Variants in G6PC3 observed in about 807,000 individuals in gnomAD.
The protein encoded by G6PC3 is glucose-6-phosphatase catalytic subunit 3, also known as glucose-6-phosphatase 3.
G6PC3 carries 30 observed loss-of-function variants against 38.6 expected under a neutral mutation model. The ratio of observed to expected loss-of-function variants is 0.78; its 90% CI spans 0.58 to 1.05. G6PC3 has a LOEUF of 1.05. Ranked by LOEUF, G6PC3 falls within the 50% of genes least tolerant of loss-of-function variation. G6PC3 has a pLI of 0.00. For missense variants in G6PC3, 377 were observed against 443.1 expected (o/e 0.85, Z 1.34); for synonymous variants, 192 against 178.1 (o/e 1.08, Z -0.62).
chr17:44,074,727 A>C lies in G6PC3; in HGVS notation c.373A>C (p.Ile125Leu), dbSNP rs779118255. The C allele has an allele frequency of 6.2e-7, 1 of 1,613,962 alleles. No individual in the cohort carries two copies. The highest frequency in any genetic ancestry group is 8.5e-7 in the Non-Finnish European group (1 of 1,180,018). The change falls in exon 3 of 6, where the codon ATA (isoleucine) becomes CTA (leucine). Residue 125 changes from isoleucine to leucine, a missense_variant. Transcript: ENST00000269097. ...GATCACAGGAGCAGCCCTCTGGCCC[A>C]TAATGACGGCCCTGTCTTCGCAGGT... is the stretch of plus-strand genomic sequence containing the variant. Reference protein sequence around the residue: ...CMITGAALWPIMTALSSQVAT... With the variant: ...CMITGAALWPLMTALSSQVAT...
intron 1 of G6PC3, chr17:44,072,941 C>T (rs73306691): frequency 0.013 from 2,001 of 152,248 alleles, 39 homozygotes; most frequent in African/African-American, 0.045. Flanking sequence ...CTGGCACCGC[C>T]GTTCATTTTC....
Position 44,074,736 on chromosome 17 carries a change from G to T in G6PC3, c.382G>T (p.Ala128Ser), listed in dbSNP as rs2050046247. The T allele has an allele frequency of 2.5e-6, 4 of 1,613,912 alleles. No homozygotes were observed. Among genetic ancestry groups the T allele is most frequent in the Non-Finnish European group, 8.5e-7 (1 of 1,180,012 alleles). The change falls in exon 3 of 6, where the codon GCC becomes TCC. Residue 128 changes from alanine (A) to serine (S), a missense_variant. Physicochemically the swap from Ala to Ser is moderately conservative, Grantham distance 99. Coordinates refer to ENST00000269097, the MANE Select transcript of G6PC3 (RefSeq NM_138387.4). Reference protein sequence around the residue: ...TGAALWPIMTALSSQVATRAR... With the variant: ...TGAALWPIMTSLSSQVATRAR... ...AGCAGCCCTCTGGCCCATAATGACGGCCCTGTCTTCGCAGGTGGCCACTCG... is the reference window on the plus strand; with the variant it reads ...AGCAGCCCTCTGGCCCATAATGACGTCCCTGTCTTCGCAGGTGGCCACTCG...
chr17:44,074,596 G>A (rs1850698822), intron 2 of G6PC3, 84 bp from the exon 3 acceptor site: 8 of 1,122,808 alleles, frequency 7.1e-6, no homozygotes, highest in Admixed American at 3.5e-5. Context: ...AGCCAGGAAA[G>A]GCAGCTGTAT....
intron 1 of G6PC3, 51 bp downstream of exon 1, chr17:44,071,234 G>C (rs750408232): frequency 4.8e-5 from 76 of 1,586,694 alleles, no homozygotes; most frequent in Non-Finnish European, 6.4e-5. Context: ...CGAGGGCCCT[G>C]AGTCATGTGT....
In G6PC3 at chr17:44,070,924, C is replaced by A. The variant is rs1283822343; in HGVS notation, c.-42C>A. ...GCTTCGTTGCCTGGACTCTGGTTTC[C>A]GCCCTGGAGCAAGCCGGGGCCTGGT... On this transcript the variant is annotated 5_prime_UTR_variant, in exon 1 of 6. Coordinates refer to ENST00000269097, the MANE Select transcript of G6PC3 (RefSeq NM_138387.4). The A allele has an allele frequency of 5.2e-6, 8 of 1,542,674 alleles. No individual in the cohort carries two copies. Among genetic ancestry groups the A allele is most frequent in the Middle Eastern group, 2.1e-4 (1 of 4,808 alleles).
Position 44,074,947 on chromosome 17 carries a change from T to C in G6PC3, c.417-22T>C, listed in dbSNP as rs182783856. 66 of 1,596,018 alleles carry C rather than the reference T, an allele frequency of 4.1e-5. No individual in the cohort carries two copies. In the East Asian group the frequency reaches 1.3e-3, roughly 32 times the overall value. On this transcript the variant is annotated intron_variant, in intron 3 of 5. Coordinates refer to ENST00000269097, the MANE Select transcript of G6PC3 (RefSeq NM_138387.4). Reference sequence around the variant, plus strand: ...AGCTGTGTATGGACACGCTCTGAGCTCCTTGCCTCTCTTCTTTCTAGCCGC... The same window carrying C: ...AGCTGTGTATGGACACGCTCTGAGCCCCTTGCCTCTCTTCTTTCTAGCCGC...
intron 4 of G6PC3, 95 bp downstream of exon 4, chr17:44,075,182 G>C: frequency 6.7e-7 from 1 of 1,494,208 alleles, no homozygotes; most frequent in East Asian, 2.3e-5. Context: ...CTTCTGTAGA[G>C]CCCACCCCAG....
intron 3 of G6PC3, 29 bp from the exon 4 acceptor site, chr17:44,074,940 T>C: frequency 6.3e-7 from 1 of 1,586,122 alleles, no homozygotes; most frequent in Non-Finnish European, 8.7e-7. Context: ...ATGGACACGC[T>C]CTGAGCTCCT....
chr17:44,070,800 G>C lies in G6PC3; in HGVS notation c.-166G>C. 1.3e-6 allele frequency: 1 copy of C among 748,464 alleles called. No homozygotes were observed. Among genetic ancestry groups the C allele is most frequent in the Non-Finnish European group, 2.3e-6 (1 of 436,048 alleles). The allele number at this position is 748,464 out of a possible 1,614,324, so 46.4% of individuals were successfully genotyped here. On this transcript the variant is annotated 5_prime_UTR_variant, in exon 1 of 6. Coordinates refer to ENST00000269097, the MANE Select transcript of G6PC3 (RefSeq NM_138387.4). ...TACCGGCTGGAGGCCGGTCTTGCAG[G>C]AGCGGGGGACTGCTGGGGGCGGGGC... is the stretch of plus-strand genomic sequence containing the variant.
intron 1 of G6PC3, chr17:44,072,038 A>C (rs963748876): frequency 3.9e-6 from 1 of 259,042 alleles, no homozygotes; most frequent in African/African-American, 2.2e-5. Context: ...GGGGGAAGGA[A>C]GGGAGGCTCA....
At chr17:44,075,247 G>C in intron 4 of G6PC3, 63 bp from the exon 5 acceptor site, 1 of 1,603,796 alleles carries the variant, frequency 6.2e-7, no homozygotes, top group Admixed American at 1.7e-5. Context: ...TGCAGCTGGG[G>C]GTCGGGGTGG....
Position 44,075,817 on chromosome 17 carries a change from A to C in G6PC3, c.815A>C (p.Gln272Pro), listed in dbSNP as rs34491309. 2 of 1,611,606 alleles carry C rather than the reference A, an allele frequency of 1.2e-6. No individual in the cohort carries two copies. The highest frequency in any genetic ancestry group is 2.2e-5 in the East Asian group (1 of 44,886). Residue 272 changes from glutamine to proline, a missense_variant, in exon 6 of 6, where the codon CAG becomes CCG. By Grantham distance (76) the Gln-to-Pro change is moderately conservative. Coordinates refer to ENST00000269097, the MANE Select transcript of G6PC3 (RefSeq NM_138387.4). Reference sequence around the variant, plus strand: ...GCCTTGCACTCTCCCTGCTATGCCCAGGTGCGTCGGGCACAGCTGGGAAAT... The same window carrying C: ...GCCTTGCACTCTCCCTGCTATGCCCCGGTGCGTCGGGCACAGCTGGGAAAT... ...GIALHSPCYA[Q>P]VRRAQLGNGQ...
At chr17:44,074,556 A>C (rs1175163733) in intron 2 of G6PC3, 124 bp from the exon 3 acceptor site, 1 of 833,092 alleles carries the variant, frequency 1.2e-6, no homozygotes, top group Non-Finnish European at 2.0e-6. Context: ...AGAGCGAGTT[A>C]TGAATCAGTG....
chr17:44,070,789 C>A lies in G6PC3; in HGVS notation c.-177C>A. The A allele has an allele frequency of 2.8e-6, 2 of 705,312 alleles. No homozygotes were observed. The highest frequency in any genetic ancestry group is 5.0e-6 in the Non-Finnish European group (2 of 401,854). 43.7% of individuals were successfully genotyped at this position (705,312 alleles called of 1,614,324 possible). A position where few individuals can be genotyped will look rare whatever the true frequency, so the allele number is the denominator to read the frequency against. ...GGAGGAAACAGTACCGGCTGGAGGC[C>A]GGTCTTGCAGGAGCGGGGGACTGCT... is the stretch of plus-strand genomic sequence containing the variant. On this transcript the variant is annotated 5_prime_UTR_variant, in exon 1 of 6. Coordinates refer to ENST00000269097, the MANE Select transcript of G6PC3 (RefSeq NM_138387.4).
intron 1 of G6PC3, chr17:44,071,967 G>A: frequency 3.4e-6 from 1 of 291,092 alleles, no homozygotes; most frequent in Admixed American, 4.6e-5. Flanking sequence ...TGTGGCCCCT[G>A]GGGCTGGGCA....
intron 3 of G6PC3, 37 bp from the exon 4 acceptor site, chr17:44,074,931 TG>T: frequency 6.4e-7 from 1 of 1,568,244 alleles, no homozygotes; most frequent in Non-Finnish European, 8.8e-7. Context: ...AAGCTGTGTA[TG>T]GACACGCTCT....
At position 44,075,316 on chromosome 17, in the gene G6PC3, T is replaced by G. The variant is rs1253447852; in HGVS notation, c.542T>G (p.Val181Gly). 1 of 1,614,026 alleles carries G rather than the reference T, an allele frequency of 6.2e-7. No homozygotes were observed. Among genetic ancestry groups the G allele is most frequent in the Non-Finnish European group, 8.5e-7 (1 of 1,180,038 alleles). ...TGTCACTCCACTCTCCTAGGCGCTG[T>G]CCTGGGCTGGCTGATGACTCCCCGA... ...QVLAGLITGA[V>G]LGWLMTPRVP... The change falls in exon 5 of 6, where the codon GTC (valine) becomes GGC (glycine). Residue 181 changes from valine (V) to glycine (G), a missense_variant. Coordinates refer to ENST00000269097, the MANE Select transcript of G6PC3 (RefSeq NM_138387.4).
intron 1 of G6PC3, chr17:44,072,997 GGA>G: frequency 6.6e-6 from 1 of 152,148 alleles, no homozygotes; most frequent in East Asian, 1.9e-4. Context: ...TTTTCAGAGG[GGA>G]GAGGCAAGTG....
intron 1 of G6PC3, chr17:44,072,064 T>C (rs773762121): frequency 1.8e-5 from 4 of 226,980 alleles, no homozygotes; most frequent in Non-Finnish European, 2.8e-5. Context: ...GGTATTTCAA[T>C]GAGCTGGAAT....
Sources: allele counts gnomAD v4.1 joint callset, GRCh38; gene constraint gnomAD v4.1.1; transcripts MANE v1.5; gene names NCBI Gene and HGNC (gene_info 2026-07-23, HGNC 2026-07-21).